The following TRPV6 variants were observed in gnomAD, a reference collection of about 807,000 sequenced individuals.
TRPV6 encodes the protein transient receptor potential cation channel subfamily V member 6.
Under a neutral mutation model 79.0 loss-of-function variants are expected in TRPV6, and 39 were observed. The observed-to-expected ratio is 0.49, with a 90% confidence interval of 0.38 to 0.64. The LOEUF is 0.64. Ranked by LOEUF, TRPV6 falls within the 30% of genes least tolerant of loss-of-function variation. The pLI, the probability that TRPV6 is intolerant of heterozygous loss-of-function variation, is 0.00. For synonymous variants in TRPV6, 373 were observed against 391.9 expected (o/e 0.95, Z 0.57); for missense variants, 813 against 1,011.1 (o/e 0.80, Z 2.66).
chr7:142,877,688 C>T lies in TRPV6; in HGVS notation c.432G>A (p.Glu144=). Reference sequence around the variant, plus strand: ...CAGATGTCATGGGCTCAAAGACCAGCTCCGGGGCAGCCTCCATCAGCACCA... The same window carrying T: ...CAGATGTCATGGGCTCAAAGACCAGTTCCGGGGCAGCCTCCATCAGCACCA... Residue 144 remains glutamate (E), a synonymous_variant, in exon 3 of 15, where the codon GAG becomes GAA. Coordinates refer to ENST00000359396, the MANE Select transcript of TRPV6 (RefSeq NM_018646.6). 1 of 1,614,206 alleles carries T rather than the reference C, an allele frequency of 6.2e-7. No individual in the cohort carries two copies. Among genetic ancestry groups the T allele is most frequent in the Non-Finnish European group, 8.5e-7 (1 of 1,180,034 alleles).
rs952401378 is a variant in TRPV6 at position 142,874,660 on chromosome 7, G to A, written c.1407-4C>T. On this transcript the variant is annotated splice_region_variant and splice_polypyrimidine_tract_variant and intron_variant, in intron 10 of 14. Coordinates refer to ENST00000359396, the MANE Select transcript of TRPV6 (RefSeq NM_018646.6). Reference sequence around the variant, plus strand: ...CACCATGAAGGCATAGGTGATGCTGGGGGAGCAGGGAGGAGGGTGATGAGG... The same window carrying A: ...CACCATGAAGGCATAGGTGATGCTGAGGGAGCAGGGAGGAGGGTGATGAGG... 1.2e-6 allele frequency: 2 copies of A among 1,612,428 alleles called. No individual in the cohort carries two copies. Among genetic ancestry groups the A allele is most frequent in the East Asian group, 2.2e-5 (1 of 44,822 alleles).
rs1224757801 is a variant in TRPV6 at position 142,882,152 on chromosome 7, T to C, written c.248+3237A>G. The C allele has an allele frequency of 3.9e-5, 6 of 152,326 alleles. No individual in the cohort carries two copies. The East Asian group carries it at 1.2e-3, about 29-fold the overall frequency. 9.4% of individuals were successfully genotyped at this position (152,326 alleles called of 1,614,324 possible). Reference sequence around the variant, plus strand: ...CACAAATACCTTTCCCACCAGTGAGTGTACCCTCTGGGCAGGGCTGGGGCT... The same window carrying C: ...CACAAATACCTTTCCCACCAGTGAGCGTACCCTCTGGGCAGGGCTGGGGCT... On this transcript the variant is annotated intron_variant, in intron 1 of 14. Transcript: ENST00000359396.
chr7:142,883,161 A>C (rs1175939909), intron 1 of TRPV6: 1 of 152,208 alleles, frequency 6.6e-6, no homozygotes, highest in Non-Finnish European at 1.5e-5. Context: ...ATAAATGTGT[A>C]ATGCATTAAA....
chr7:142,876,225 T>C lies in TRPV6; in HGVS notation c.882+183A>G, dbSNP rs181361728. On this transcript the variant is annotated intron_variant, in intron 6 of 14. Coordinates refer to ENST00000359396, the MANE Select transcript of TRPV6 (RefSeq NM_018646.6). ...TCTAGACTCTGTAACCCCCAATGCC[T>C]CAGGGGAAAAGGAGTGGGCAAGAAA... is the stretch of plus-strand genomic sequence containing the variant. The C allele has an allele frequency of 1.4e-4, 130 of 930,470 alleles. No individual in the cohort carries two copies. The Middle Eastern group carries it at 3.1e-3, about 22-fold the overall frequency. The allele number at this position is 930,470 out of a possible 1,614,324, so 57.6% of individuals were successfully genotyped here.
Position 142,871,343 on chromosome 7 carries a change from C to T in TRPV6, c.*364G>A. 1 of 446,710 alleles carries T rather than the reference C, an allele frequency of 2.2e-6. No homozygotes were observed. Among genetic ancestry groups the T allele is most frequent in the Non-Finnish European group, 4.1e-6 (1 of 244,162 alleles). The allele number at this position is 446,710 out of a possible 1,614,324, so 27.7% of individuals were successfully genotyped here. ...CACTTCCCTGCACCTGCCTGGGTGCCCTGGGAAGGGCTCTCTCCCCACTTA... is the reference window on the plus strand; with the variant it reads ...CACTTCCCTGCACCTGCCTGGGTGCTCTGGGAAGGGCTCTCTCCCCACTTA... On this transcript the variant is annotated 3_prime_UTR_variant, in exon 15 of 15. Transcript: ENST00000359396.
chr7:142,874,121 G>A lies in TRPV6; in HGVS notation c.1594C>T (p.Arg532Ter), dbSNP rs938369051. The A allele has an allele frequency of 3.1e-6, 5 of 1,613,648 alleles. No homozygotes were observed. Among genetic ancestry groups the A allele is most frequent in the East Asian group, 2.2e-5 (1 of 44,890 alleles). Residue 532 changes from arginine to a stop codon, truncating the protein, a stop_gained, in exon 12 of 15, where the codon CGA (arginine) becomes TGA (stop). Coordinates refer to ENST00000359396, the MANE Select transcript of TRPV6 (RefSeq NM_018646.6). LOFTEE classifies it high-confidence loss of function. The stretch of plus-strand genomic sequence containing the variant: ...ACCACAGCCATCAGCCAGCAGAATC[G>A]CATCAGGTCGCCAAAAATCATCTAG...
Position 142,874,561 on chromosome 7 carries a change from C to T in TRPV6, c.1502G>A (p.Gly501Asp), listed in dbSNP as rs1244956955. Reference sequence around the variant, plus strand: ...GGCGAAGTACATGACGTTGCACCAGCCCAGCACGAGTGCAAAGGACATGGG... The same window carrying T: ...GGCGAAGTACATGACGTTGCACCAGTCCAGCACGAGTGCAAAGGACATGGG... The change falls in exon 11 of 15, where the codon GGC becomes GAC. Residue 501 changes from glycine to aspartate, a missense_variant. Physicochemically the swap from Gly to Asp is moderately conservative, Grantham distance 94. This residue lies in a region of TRPV6 where 94 missense variants were observed against 194.0 expected (regional missense o/e 0.48). Transcript: ENST00000359396. 1 of 1,613,888 alleles carries T rather than the reference C, an allele frequency of 6.2e-7. No individual in the cohort carries two copies. The highest frequency in any genetic ancestry group is 2.2e-5 in the East Asian group (1 of 44,872).
At chr7:142,874,168 A>G (rs1220309854) in intron 11 of TRPV6, 26 bp from the exon 12 acceptor site, 1 of 1,609,138 alleles carries the variant, frequency 6.2e-7, no homozygotes, top group Non-Finnish European at 8.5e-7. Flanking sequence ...GGCAGAGAAC[A>G]TCTGCACACA....
chr7:142,873,356 T>G lies in TRPV6; in HGVS notation c.1908+92A>C. 1 of 1,533,750 alleles carries G rather than the reference T, an allele frequency of 6.5e-7. No homozygotes were observed. The highest frequency in any genetic ancestry group is 1.2e-5 in the South Asian group (1 of 83,340). ...TTTGCCACAACTGTCCAAACATAAG[T>G]GGGGTGGAGATATCCTGTCTCTCAG... On this transcript the variant is annotated intron_variant, in intron 13 of 14. Coordinates refer to ENST00000359396, the MANE Select transcript of TRPV6 (RefSeq NM_018646.6). This position sits in a 1 kb window ranked among gnomAD's most constrained non-coding sequence, Gnocchi z 4.8.
intron 4 of TRPV6, 36 bp downstream of exon 4, chr7:142,877,106 C>A (rs899258963): frequency 6.3e-7 from 1 of 1,597,406 alleles, no homozygotes; most frequent in South Asian, 1.1e-5. Context: ...CCCACCTTTC[C>A]AACTGCCCGT....
chr7:142,873,634 G>C lies in TRPV6; in HGVS notation c.1722C>G (p.Phe574Leu), dbSNP rs146851287. The C allele has an allele frequency of 6.2e-7, 1 of 1,614,222 alleles. No individual in the cohort carries two copies. Among genetic ancestry groups the C allele is most frequent in the Non-Finnish European group, 8.5e-7 (1 of 1,180,044 alleles). The change falls in exon 13 of 15, where the codon TTC becomes TTG. Residue 574 changes from phenylalanine to leucine, a missense_variant. Physicochemically the swap from Phe to Leu is conservative, Grantham distance 22 (BLOSUM62 0). This residue lies in a region of TRPV6 where 94 missense variants were observed against 194.0 expected (regional missense o/e 0.48). Transcript: ENST00000359396. This position sits in a 1 kb window ranked among gnomAD's most constrained non-coding sequence, Gnocchi z 4.8. Reference sequence around the variant, plus strand: ...CATCGATGATGGTAAGGAACAGCTCGAAGGTGCTGAACAGGGCCATGGGGT... The same window carrying C: ...CATCGATGATGGTAAGGAACAGCTCCAAGGTGCTGAACAGGGCCATGGGGT...
chr7:142,875,585 T>C lies in TRPV6; in HGVS notation c.1125A>G (p.Ile375Met), dbSNP rs772750648. 3.1e-6 allele frequency: 5 copies of C among 1,613,546 alleles called. No homozygotes were observed. Among genetic ancestry groups the C allele is most frequent in the African/African-American group, 2.7e-5 (2 of 74,844 alleles). Residue 375 changes from isoleucine (I) to methionine (M), a missense_variant, in exon 8 of 15, where the codon ATA (isoleucine) becomes ATG (methionine). Coordinates refer to ENST00000359396, the MANE Select transcript of TRPV6 (RefSeq NM_018646.6). ...TGAAGCAGATGATGTACAGCAGATA[T>C]ATGGCACCCAGCATGCAGAAGTACG...
chr7:142,871,272 A>C lies in TRPV6; in HGVS notation c.*435T>G. ...AGACCTAGCCCCACTTCCCACCCCC[A>C]GAGCCGTTCCTGTCTCCCTCACTCA... is the stretch of plus-strand genomic sequence containing the variant. On this transcript the variant is annotated 3_prime_UTR_variant, in exon 15 of 15. Coordinates refer to ENST00000359396, the MANE Select transcript of TRPV6 (RefSeq NM_018646.6). 1 of 487,014 alleles carries C rather than the reference A, an allele frequency of 2.1e-6. No individual in the cohort carries two copies. The highest frequency in any genetic ancestry group is 3.7e-5 in the East Asian group (1 of 26,926). The allele number at this position is 487,014 out of a possible 1,614,324, so 30.2% of individuals were successfully genotyped here. A position where few individuals can be genotyped will look rare whatever the true frequency, so the allele number is the denominator to read the frequency against.
At chr7:142,881,207 T>C (rs1009470404) in intron 1 of TRPV6, 2 of 152,148 alleles carry the variant, frequency 1.3e-5, no homozygotes, top group Admixed American at 6.5e-5. Context: ...ACTCAAAGAT[T>C]CCTGTGCTTG....
At chr7:142,874,436 T>C (rs1795008988) in intron 11 of TRPV6, 55 bp downstream of exon 11, 1 of 1,607,288 alleles carries the variant, frequency 6.2e-7, no homozygotes, top group East Asian at 2.2e-5. Context: ...TATGGGACCG[T>C]CTGCTGACTG....
At position 142,873,690 on chromosome 7, in the gene TRPV6, C is replaced by T. The variant is rs1794993280; in HGVS notation, c.1666G>A (p.Asp556Asn). The T allele has an allele frequency of 2.5e-6, 4 of 1,614,006 alleles. No homozygotes were observed. The highest frequency in any genetic ancestry group is 1.7e-5 in the Admixed American group (1 of 60,002). ...TAGAAGTGGCCTAGCTCCTCGGGGTCCTCTGTCTGGAAGATGATATAGAAG... is the reference window on the plus strand; with the variant it reads ...TAGAAGTGGCCTAGCTCCTCGGGGTTCTCTGTCTGGAAGATGATATAGAAG... Residue 556 changes from aspartate to asparagine, a missense_variant, in exon 13 of 15, where the codon GAC (aspartate) becomes AAC (asparagine). Physicochemically the swap from Asp to Asn is conservative, Grantham distance 23 (BLOSUM62 1). Transcript: ENST00000359396. The surrounding 1 kb of genome is among the most constrained non-coding windows in gnomAD (Gnocchi z 4.8).
chr7:142,885,576 G>C lies in TRPV6; in HGVS notation c.61C>G (p.Leu21Val). 1 of 1,523,328 alleles carries C rather than the reference G, an allele frequency of 6.6e-7. No homozygotes were observed. 94.4% of individuals were successfully genotyped at this position (1,523,328 alleles called of 1,614,324 possible). A position where few individuals can be genotyped will look rare whatever the true frequency, so the allele number is the denominator to read the frequency against. The change falls in exon 1 of 15, where the codon CTG (leucine) becomes GTG (valine). Residue 21 changes from leucine (L) to valine (V), a missense_variant. Around this residue, in one of 3 missense-constraint regions of TRPV6, gnomAD observed 555 missense variants for 631.0 expected, o/e 0.88. Transcript: ENST00000359396. ...CGAGGCCAGACCCTGACGGGACTCAGCCTTGGGGCCACATCAGCCCCCCCA... is the reference window on the plus strand; with the variant it reads ...CGAGGCCAGACCCTGACGGGACTCACCCTTGGGGCCACATCAGCCCCCCCA...
In TRPV6 at chr7:142,885,422, C is replaced by T. The variant is rs141313361; in HGVS notation, c.215G>A (p.Ser72Asn). The stretch of plus-strand genomic sequence containing the variant: ...CTGCAGCAGGTTCTGCTCATCTCGG[C>T]TCTGGGCCCAGGACTCCCGTCTCTG... The change falls in exon 1 of 15, where the codon AGC becomes AAC. Residue 72 changes from serine to asparagine, a missense_variant. By Grantham distance (46) the Ser-to-Asn change is conservative (BLOSUM62 1). This residue lies in a region of TRPV6 where 555 missense variants were observed against 631.0 expected (regional missense o/e 0.88). Transcript: ENST00000359396. 8.1e-5 allele frequency: 130 copies of T among 1,613,808 alleles called. 3 individuals carry two copies. In the Middle Eastern group the frequency reaches 1.5e-3, roughly 18 times the overall value.
rs760075855 is a variant in TRPV6 at position 142,877,149 on chromosome 7, G to A, written c.600C>T (p.Ile200=). Residue 200 remains isoleucine (I), a synonymous_variant, in exon 4 of 15, where the codon ATC becomes ATT. Coordinates refer to ENST00000359396, the MANE Select transcript of TRPV6 (RefSeq NM_018646.6). ...GCCCAGCCCTGCTCTCACCAAAGTA[G>A]ATGAGGTTGCAGGGACTACGGCGGA... The A allele has an allele frequency of 1.2e-6, 2 of 1,614,152 alleles. No homozygotes were observed. The highest frequency in any genetic ancestry group is 2.2e-5 in the South Asian group (2 of 91,078).
Sources: allele counts gnomAD v4.1 joint callset, GRCh38; gene constraint gnomAD v4.1.1; regional missense constraint gnomAD v4.1.1; non-coding constraint Gnocchi (gnomAD v3.1); transcripts MANE v1.5; gene names NCBI Gene and HGNC (gene_info 2026-07-23, HGNC 2026-07-21).